Variants in RGS17 observed in about 807,000 individuals in gnomAD.
The protein encoded by RGS17 is regulator of G-protein signaling 17.
A neutral mutation model predicts 25.5 loss-of-function variants in RGS17; 12 were observed. That is an observed-to-expected ratio of 0.47 (90% confidence interval 0.30 to 0.76). The LOEUF (loss-of-function observed/expected upper bound fraction) is 0.76. Among genes scored for constraint, RGS17 ranks in the 30% least tolerant of loss-of-function variants. The pLI is 0.07. For missense variants in RGS17, 196 were observed against 242.2 expected, an observed-to-expected ratio of 0.81 and a Z score of 1.27; for synonymous variants, 71 against 76.9, an observed-to-expected ratio of 0.92 and a Z score of 0.40.
chr6:153,077,170 AG>A (rs1178402900), intron 1 of RGS17, among the ~76,000 whole-genome samples: 1 of 152,184 alleles, frequency 6.6e-6, no homozygotes, highest in African/African-American at 2.4e-5. Context: ...TTCAAGTTAC[AG>A]AAACAAAAAA....
chr6:153,062,203 T>C (rs1301020903), intron 1 of RGS17, among the ~76,000 whole-genome samples: 1 of 149,754 alleles, frequency 6.7e-6, no homozygotes, highest in African/African-American at 2.5e-5. Context: ...GGTTTTAATA[T>C]CATGTCACTG....
At chr6:153,029,726 G>A (rs1779341938) in intron 2 of RGS17, among the ~76,000 whole-genome samples, 1 of 152,032 alleles carries the variant, frequency 6.6e-6, no homozygotes, top group African/African-American at 2.4e-5. Context: ...GAGTAGCTGG[G>A]ATTACAGGCA....
chr6:153,089,151 T>C (rs755789137), intron 1 of RGS17, among the ~76,000 whole-genome samples: 3 of 147,228 alleles, frequency 2.0e-5, no homozygotes, highest in Non-Finnish European at 3.0e-5. Context: ...AATGGTACAC[T>C]TTTTTTTTTC....
intron 1 of RGS17, among the ~76,000 whole-genome samples, chr6:153,074,459 C>G (rs9371670): frequency 0.43 from 64,995 of 152,000 alleles, 14,491 homozygotes; most frequent in East Asian, 0.68. Flanking sequence ...TAAAAAGTTA[C>G]TAAGAACACT....
chr6:153,028,711 C>A (rs1418050629), intron 2 of RGS17, among the ~76,000 whole-genome samples: 2 of 152,152 alleles, frequency 1.3e-5, no homozygotes, highest in Non-Finnish European at 1.5e-5. Context: ...AATTGATACT[C>A]ATTCTGTCAA....
chr6:153,077,611 C>G (rs1049549222), intron 1 of RGS17, among the ~76,000 whole-genome samples: 12 of 152,014 alleles, frequency 7.9e-5, no homozygotes, highest in Non-Finnish European at 1.3e-4. Flanking sequence ...AGAAAATTAT[C>G]ATTGACAACA....
chr6:153,106,871 TG>T (rs1777391842), intron 1 of RGS17, among the ~76,000 whole-genome samples: 1 of 151,464 alleles, frequency 6.6e-6, no homozygotes, highest in Non-Finnish European at 1.5e-5. Context: ...TGACCTCAGG[TG>T]ATCTGCCCAC....
chr6:153,027,409 G>A (rs955099367), intron 2 of RGS17, among the ~76,000 whole-genome samples: 2 of 152,132 alleles, frequency 1.3e-5, no homozygotes, highest in Non-Finnish European at 2.9e-5. Context: ...AAGAAGCAGG[G>A]TAGGGAGAAT....
chr6:153,125,208 T>G (rs551754571), intron 1 of RGS17, among the ~76,000 whole-genome samples: 1 of 152,308 alleles, frequency 6.6e-6, no homozygotes, highest in Admixed American at 6.5e-5. Context: ...GTGAAAAGCC[T>G]GTGACCCAAG....
intron 1 of RGS17, among the ~76,000 whole-genome samples, chr6:153,096,657 A>T (rs1296213107): frequency 2.0e-5 from 3 of 152,222 alleles, no homozygotes; most frequent in African/African-American, 7.2e-5. Flanking sequence ...TCACATTAAA[A>T]TGTAAAATGT....
At chr6:153,104,827 A>AAAAAAAAAAAG (rs545879673) in intron 1 of RGS17, among the ~76,000 whole-genome samples, 2,252 of 151,382 alleles carry the variant, frequency 0.015, 61 homozygotes, top group African/African-American at 0.051. Flanking sequence ...TTGTCTCAAA[A>AAAAAAAAAAAG]AAAAAAAAAA....
chr6:153,104,731 A>G (rs1465165252), intron 1 of RGS17, among the ~76,000 whole-genome samples: 1 of 151,798 alleles, frequency 6.6e-6, no homozygotes, highest in African/African-American at 2.4e-5. Context: ...GGGGGAATTT[A>G]TATTTTAAAT....
chr6:153,038,186 TCACCAAATGCACCTGC>T (rs2129109320), intron 2 of RGS17, among the ~76,000 whole-genome samples: 1 of 152,288 alleles, frequency 6.6e-6, no homozygotes, highest in South Asian at 2.1e-4. Flanking sequence ...CAGAGCCCTG[TCACCAAATGCACCTGC>T]CACCTCTTTA....
chr6:153,100,276 G>T (rs1382950423), intron 1 of RGS17, among the ~76,000 whole-genome samples: 1 of 152,044 alleles, frequency 6.6e-6, no homozygotes, highest in Non-Finnish European at 1.5e-5. Context: ...TTTTGTAAGA[G>T]GCAATAATAA....
chr6:153,056,184 C>A (rs9384073), intron 1 of RGS17, among the ~76,000 whole-genome samples: 3,363 of 152,254 alleles, frequency 0.022, 98 homozygotes, highest in African/African-American at 0.066. Context: ...ATGTTCAATT[C>A]TGCTCACTAC....
chr6:153,005,848 T>A lies in RGS17; in HGVS notation c.*5726A>T, dbSNP rs1161833706. 6.6e-6 allele frequency: 1 copy of A among 152,130 alleles called. No individual in the cohort carries two copies. Among genetic ancestry groups the A allele is most frequent in the Non-Finnish European group, 1.5e-5 (1 of 68,034 alleles). 9.4% of individuals were successfully genotyped at this position (152,130 alleles called of 1,614,324 possible). ...GGATCCTGGGACAGAAAAAGGACAT[T>A]AGGTTATAAACTAAGGAAATCTGAA... On this transcript the variant is annotated 3_prime_UTR_variant, in exon 5 of 5. Coordinates refer to ENST00000206262, the MANE Select transcript of RGS17 (RefSeq NM_012419.5).
At chr6:153,080,255 C>G (rs904865757) in intron 1 of RGS17, among the ~76,000 whole-genome samples, 1 of 152,212 alleles carries the variant, frequency 6.6e-6, no homozygotes, top group Non-Finnish European at 1.5e-5. Context: ...GCTGGGATTA[C>G]AGGCGTGCGC....
chr6:153,054,090 T>TACG (rs1776515961), intron 1 of RGS17, among the ~76,000 whole-genome samples: 1 of 8,024 alleles, frequency 1.2e-4, no homozygotes, highest in Non-Finnish European at 2.1e-4. Context: ...ACACAATATT[T>TACG]TTTATATATA....
At position 153,094,179 on chromosome 6, in the gene RGS17, G is replaced by T. The variant is rs185905896; in HGVS notation, c.-26+36945C>A. Among the ~76,000 whole-genome samples the T allele has an allele frequency of 3.8e-4, 58 of 151,714 alleles. No homozygotes were observed. The East Asian group carries it at 0.011, about 29-fold the overall frequency. On this transcript the variant is annotated intron_variant, in intron 1 of 4. Transcript: ENST00000206262. ...CAATCTCTGCCTCCCGGGTTCAAGC[G>T]ATTCTCATGCCTCAGCCTCCTGGGT...
Sources: gnomAD v4.1 joint callset for allele counts (sites outside exome capture counted in the v4.1 genomes callset) on GRCh38, gnomAD v4.1.1 for gene constraint, MANE v1.5 for transcripts, NCBI Gene and HGNC (gene_info 2026-07-23, HGNC 2026-07-21) for gene names.